Variants in LIFR observed in about 807,000 individuals in gnomAD.
LIFR encodes leukemia inhibitory factor receptor.
Under a neutral mutation model 122.2 loss-of-function variants are expected in LIFR, and 84 were observed. That is an observed-to-expected ratio of 0.69 (90% CI 0.58 to 0.82). The LOEUF (loss-of-function observed/expected upper bound fraction) is 0.82, where lower values mean the gene tolerates loss of function less well. Among genes scored for constraint, LIFR ranks in the 40% least tolerant of loss-of-function variants. The probability of loss-of-function intolerance (pLI) is 0.00; values close to 1 mark genes in which losing one functional copy is unlikely to be tolerated. For synonymous variants in LIFR, 422 were observed against 434.7 expected (o/e 0.97, Z 0.36); for missense variants, 1,294 against 1,311.6 (o/e 0.99, Z 0.21).
At chr5:38,494,181 T>C (rs1744750664) in intron 13 of LIFR, among the ~76,000 whole-genome samples, 1 of 152,156 alleles carries the variant, frequency 6.6e-6, no homozygotes, top group Non-Finnish European at 1.5e-5. Context: ...CATCACTCAC[T>C]ATGAATGCGT....
chr5:38,545,350 ATGTG>A (rs112421759), intron 1 of LIFR, among the ~76,000 whole-genome samples: 1 of 151,420 alleles, frequency 6.6e-6, no homozygotes, highest in African/African-American at 2.4e-5. Flanking sequence ...ACATAAATAT[ATGTG>A]TGTGTGTGTG....
chr5:38,580,871 T>C (rs1749557917), intron 1 of LIFR, among the ~76,000 whole-genome samples: 1 of 152,158 alleles, frequency 6.6e-6, no homozygotes, highest in Non-Finnish European at 1.5e-5. Flanking sequence ...GAGATGTTCT[T>C]CTCTATCTCC....
chr5:38,599,045 C>G (rs540057239), upstream of LIFR, among the ~76,000 whole-genome samples: 69 of 152,160 alleles, frequency 4.5e-4, no homozygotes, highest in Non-Finnish European at 8.7e-4. Context: ...TCTTCTGGGT[C>G]CTAAACCTTA....
chr5:38,588,137 A>T (rs999683204), intron 1 of LIFR, among the ~76,000 whole-genome samples: 1 of 152,226 alleles, frequency 6.6e-6, no homozygotes, highest in African/African-American at 2.4e-5. Flanking sequence ...CCAATATTCA[A>T]TATAATGCCA....
intron 1 of LIFR, among the ~76,000 whole-genome samples, chr5:38,553,638 ATATAT>A (rs1748336394): frequency 1.3e-5 from 1 of 78,256 alleles, no homozygotes; most frequent in South Asian, 3.6e-4. Flanking sequence ...ATATATATAT[ATATAT>A]ATATATATAT....
chr5:38,529,594 A>AG (rs1424519645), intron 2 of LIFR, among the ~76,000 whole-genome samples: 1 of 152,254 alleles, frequency 6.6e-6, no homozygotes, highest in East Asian at 1.9e-4. Flanking sequence ...GCACTATGCA[A>AG]TGAAAAAAGT....
intron 5 of LIFR, among the ~76,000 whole-genome samples, chr5:38,516,624 T>C (rs1008520086): frequency 6.6e-6 from 1 of 152,146 alleles, no homozygotes; most frequent in African/African-American, 2.4e-5. Flanking sequence ...GTGAATTAGT[T>C]CAACCACTGT....
At chr5:38,527,115 TTGAC>T (rs1746729060) in intron 4 of LIFR, 36 bp downstream of exon 4, 1 of 1,538,230 alleles carries the variant, frequency 6.5e-7, no homozygotes, top group Non-Finnish European at 8.9e-7. Flanking sequence ...CAAGTGACAC[TTGAC>T]TTACTTTAAA....
In LIFR at chr5:38,506,530, C is replaced by T; in HGVS notation, c.1094G>A (p.Arg365His). 2 of 1,614,040 alleles carry T rather than the reference C, an allele frequency of 1.2e-6. No individual in the cohort carries two copies. The highest frequency in any genetic ancestry group is 1.7e-6 in the Non-Finnish European group (2 of 1,179,966). Residue 365 changes from arginine to histidine, a missense_variant, in exon 8 of 20, where the codon CGT becomes CAT. Coordinates refer to ENST00000453190, the MANE Select transcript of LIFR (RefSeq NM_001127671.2). ...TTCAACTAAAGTGTAGCTTGTAGCA[C>T]GTGGGCCCACCAACGCTGTCACCCT... ...PGRVTALVGP[R>H]ATSYTLVESF...
intron 1 of LIFR, among the ~76,000 whole-genome samples, chr5:38,587,612 ATGG>A (rs1230978464): frequency 6.6e-6 from 1 of 152,174 alleles, no homozygotes; most frequent in Non-Finnish European, 1.5e-5. Context: ...GCTATTAAAG[ATGG>A]TGGTGGTGGT....
At chr5:38,520,285 T>C (rs1746333314) in intron 5 of LIFR, among the ~76,000 whole-genome samples, 2 of 152,208 alleles carry the variant, frequency 1.3e-5, no homozygotes, top group South Asian at 2.1e-4. Flanking sequence ...TGTCTATTCA[T>C]GTCCTTTGCC....
chr5:38,599,459 C>CG (rs745474168), upstream of LIFR, among the ~76,000 whole-genome samples: 1 of 152,022 alleles, frequency 6.6e-6, no homozygotes, highest in Non-Finnish European at 1.5e-5. Context: ...TGGAGATCAG[C>CG]GGGAAGGTCA....
intron 1 of LIFR, among the ~76,000 whole-genome samples, chr5:38,550,948 G>A (rs1748169020): frequency 6.6e-6 from 1 of 152,120 alleles, no homozygotes; most frequent in African/African-American, 2.4e-5. Context: ...TTTTGTTTAA[G>A]TGCTTAATTT....
At chr5:38,509,730 C>T (rs538377162) in intron 7 of LIFR, among the ~76,000 whole-genome samples, 1 of 152,222 alleles carries the variant, frequency 6.6e-6, no homozygotes, top group South Asian at 2.1e-4. Context: ...CTGTCAGTGA[C>T]ACCAAAACAT....
chr5:38,606,792 C>A (rs1280343897), intron 1 of LIFR, among the ~76,000 whole-genome samples: 1 of 152,044 alleles, frequency 6.6e-6, no homozygotes, highest in African/African-American at 2.4e-5. Context: ...AGGACACTTT[C>A]TTTTTTTTCC....
intron 5 of LIFR, among the ~76,000 whole-genome samples, chr5:38,520,511 T>TA (rs1264911799): frequency 1.3e-5 from 2 of 152,206 alleles, no homozygotes; most frequent in Non-Finnish European, 2.9e-5. Flanking sequence ...GTTTTAGCCA[T>TA]AAAATCTTTA....
At chr5:38,522,919 ATGT>A (rs1746478276) in intron 5 of LIFR, among the ~76,000 whole-genome samples, 1 of 152,152 alleles carries the variant, frequency 6.6e-6, no homozygotes, top group South Asian at 2.1e-4. Context: ...CTTTTCATAA[ATGT>A]TGTTCATTAC....
chr5:38,505,940 G>T lies in LIFR; in HGVS notation c.1256C>A (p.Ser419Ter). The T allele has an allele frequency of 6.2e-7, 1 of 1,609,258 alleles. No individual in the cohort carries two copies. Among genetic ancestry groups the T allele is most frequent in the Non-Finnish European group, 8.5e-7 (1 of 1,177,486 alleles). ...TLNAHNPLGR[S>*]QSTILVNITE... ...TATATTAACTAAAATTGTTGATTGTGATCGACCCAGCGGATTGTGAGCATT... is the reference window on the plus strand; with the variant it reads ...TATATTAACTAAAATTGTTGATTGTTATCGACCCAGCGGATTGTGAGCATT... The change falls in exon 9 of 20, where the codon TCA becomes TAA. Residue 419 changes from serine (S) to a stop codon, truncating the protein, a stop_gained. Coordinates refer to ENST00000453190, the MANE Select transcript of LIFR (RefSeq NM_001127671.2). LOFTEE classifies it high-confidence loss of function.
intron 1 of LIFR, among the ~76,000 whole-genome samples, chr5:38,546,506 T>C (rs551335733): frequency 2.0e-5 from 3 of 152,334 alleles, no homozygotes; most frequent in African/African-American, 7.2e-5. Context: ...GAAATACTCA[T>C]TCCACATCTC....
Sources: gnomAD v4.1 joint callset for allele counts (sites outside exome capture counted in the v4.1 genomes callset) on GRCh38, gnomAD v4.1.1 for gene constraint, MANE v1.5 for transcripts, NCBI Gene and HGNC (gene_info 2026-07-23, HGNC 2026-07-21) for gene names.